The following SLC39A9 variants were observed in gnomAD, a reference collection of about 807,000 sequenced individuals.
SLC39A9 encodes zinc transporter ZIP9.
SLC39A9 carries 14 observed loss-of-function variants against 28.4 expected under a neutral mutation model. The ratio of observed to expected loss-of-function variants is 0.49; its 90% CI spans 0.33 to 0.77. The LOEUF (loss-of-function observed/expected upper bound fraction) is 0.77, where lower values mean the gene tolerates loss of function less well. Among genes scored for constraint, SLC39A9 ranks in the 30% least tolerant of loss-of-function variants. The pLI is 0.02. For missense variants in SLC39A9, 283 were observed against 381.1 expected, an observed-to-expected ratio of 0.74 and a Z score of 2.14; for synonymous variants, 119 against 149.6, an observed-to-expected ratio of 0.80 and a Z score of 1.49.
In SLC39A9 at chr14:69,459,369, C is replaced by G; in HGVS notation, c.*776C>G. 2.0e-6 allele frequency: 2 copies of G among 985,382 alleles called. No individual in the cohort carries two copies. Among genetic ancestry groups the G allele is most frequent in the Non-Finnish European group, 1.2e-6 (1 of 829,916 alleles). The allele number at this position is 985,382 out of a possible 1,614,324, so 61.0% of individuals were successfully genotyped here. A position where few individuals can be genotyped will look rare whatever the true frequency, so the allele number is the denominator to read the frequency against. ...CTCCTTTGCAGAATACCTGTCTCCA[C>G]ATTCCTAGAGAGGAGCCAAGTTCTA... On this transcript the variant is annotated 3_prime_UTR_variant, in exon 7 of 7. Transcript: ENST00000336643.
intron 2 of SLC39A9, among the ~76,000 whole-genome samples, chr14:69,435,968 C>A (rs1594933206): frequency 6.6e-6 from 1 of 152,126 alleles, no homozygotes. Context: ...CCACTGTGCC[C>A]AGCCATTTCC....
At chr14:69,411,639 C>G (rs765708517) in intron 1 of SLC39A9, among the ~76,000 whole-genome samples, 4 of 152,096 alleles carry the variant, frequency 2.6e-5, no homozygotes, top group Non-Finnish European at 5.9e-5. Context: ...AAGAACCTGT[C>G]AGCATTTTGT....
At chr14:69,410,126 T>G (rs12588788) in intron 1 of SLC39A9, among the ~76,000 whole-genome samples, 2 of 152,342 alleles carry the variant, frequency 1.3e-5, no homozygotes, top group East Asian at 3.9e-4. Context: ...TTCTTTTATG[T>G]TTAGAAAGGA....
chr14:69,452,455 A>G (rs538802451), intron 3 of SLC39A9, among the ~76,000 whole-genome samples: 1 of 152,014 alleles, frequency 6.6e-6, no homozygotes, highest in African/African-American at 2.4e-5. Context: ...TCAGCTCCCA[A>G]GTAGCCGAGA....
chr14:69,417,613 T>C (rs1162072935), intron 1 of SLC39A9, among the ~76,000 whole-genome samples: 1 of 152,236 alleles, frequency 6.6e-6, no homozygotes, highest in Non-Finnish European at 1.5e-5. Flanking sequence ...GAGCATGGGA[T>C]GTTCTTCCAT....
Position 69,455,775 on chromosome 14 carries a change from G to T in SLC39A9, c.602G>T (p.Gly201Val), listed in dbSNP as rs756805132. The change falls in exon 6 of 7, where the codon GGC becomes GTC. Residue 201 changes from glycine to valine, a missense_variant. Gly to Val is a moderately radical substitution (Grantham distance 109). Coordinates refer to ENST00000336643, the MANE Select transcript of SLC39A9 (RefSeq NM_018375.5). ...FGLVSFLMHA[G>V]LERNRIRKHL... The stretch of plus-strand genomic sequence containing the variant: ...CTGGTTTCCTTCTTGATGCATGCTG[G>T]CTTAGAGCGGAATCGAATCAGAAAG... 1 of 1,614,198 alleles carries T rather than the reference G, an allele frequency of 6.2e-7. No individual in the cohort carries two copies. The highest frequency in any genetic ancestry group is 8.5e-7 in the Non-Finnish European group (1 of 1,180,042).
At chr14:69,400,129 C>A (rs1302629627) in intron 1 of SLC39A9, among the ~76,000 whole-genome samples, 1 of 152,128 alleles carries the variant, frequency 6.6e-6, no homozygotes, top group Non-Finnish European at 1.5e-5. Flanking sequence ...ATGATAACTT[C>A]CTTTTGAGAA....
At chr14:69,420,122 G>A (rs1033019744) in intron 1 of SLC39A9, among the ~76,000 whole-genome samples, 1 of 152,170 alleles carries the variant, frequency 6.6e-6, no homozygotes, top group African/African-American at 2.4e-5. Context: ...TTATGTTTTT[G>A]CAGTGGCTGG....
At chr14:69,441,981 A>C in intron 2 of SLC39A9, 88 bp from the exon 3 acceptor site, 2 of 1,507,802 alleles carry the variant, frequency 1.3e-6, no homozygotes, top group East Asian at 2.4e-5. Context: ...AAGTAAGTAG[A>C]GCTTGAAATA....
intron 1 of SLC39A9, among the ~76,000 whole-genome samples, chr14:69,404,407 A>G (rs554120610): frequency 6.6e-6 from 1 of 152,352 alleles, no homozygotes; most frequent in South Asian, 2.1e-4. Flanking sequence ...CTTCTGTTAA[A>G]TGACCTTCTA....
chr14:69,445,448 G>A (rs1194119696), intron 3 of SLC39A9, among the ~76,000 whole-genome samples: 2 of 151,844 alleles, frequency 1.3e-5, no homozygotes, highest in Non-Finnish European at 2.9e-5. Flanking sequence ...TTACTTTTTT[G>A]TAAAAATACA....
At position 69,461,415 on chromosome 14, in the gene SLC39A9, A is replaced by T. The variant is rs933333621; in HGVS notation, c.*2822A>T. Reference sequence around the variant, plus strand: ...GTTTTCCTGTGCACACTATTGCCAAATTTTTTTTTAGCAAAGATTCTGCAC... The same window carrying T: ...GTTTTCCTGTGCACACTATTGCCAATTTTTTTTTTAGCAAAGATTCTGCAC... On this transcript the variant is annotated 3_prime_UTR_variant, in exon 7 of 7. Transcript: ENST00000336643. 1.2e-5 allele frequency: 15 copies of T among 1,243,906 alleles called. No homozygotes were observed. The highest frequency in any genetic ancestry group is 3.4e-5 in the East Asian group (1 of 29,116). 77.1% of individuals were successfully genotyped at this position (1,243,906 alleles called of 1,614,324 possible).
intron 3 of SLC39A9, among the ~76,000 whole-genome samples, chr14:69,445,136 A>T: frequency 6.6e-6 from 1 of 152,160 alleles, no homozygotes; most frequent in Non-Finnish European, 1.5e-5. Context: ...AAAAACATAC[A>T]GTTGACCTTT....
intron 2 of SLC39A9, among the ~76,000 whole-genome samples, chr14:69,430,637 T>C (rs1202371288): frequency 4.6e-5 from 7 of 150,734 alleles, no homozygotes; most frequent in Non-Finnish European, 1.0e-4. Flanking sequence ...TCTTTTTTTT[T>C]TTTTTTCTTG....
At chr14:69,410,005 T>C (rs1248303677) in intron 1 of SLC39A9, among the ~76,000 whole-genome samples, 1 of 152,244 alleles carries the variant, frequency 6.6e-6, no homozygotes, top group African/African-American at 2.4e-5. Flanking sequence ...TGAACTCTTA[T>C]GTATCAATGA....
chr14:69,424,542 A>C (rs540534960), intron 2 of SLC39A9, among the ~76,000 whole-genome samples: 2 of 152,182 alleles, frequency 1.3e-5, no homozygotes, highest in South Asian at 4.1e-4. Context: ...AAATATATAG[A>C]TATAAATATT....
At chr14:69,433,835 G>A (rs1884612649) in intron 2 of SLC39A9, among the ~76,000 whole-genome samples, 1 of 151,816 alleles carries the variant, frequency 6.6e-6, no homozygotes, top group Admixed American at 6.6e-5. Context: ...GCCCAGGCTG[G>A]GTACAGTGGC....
At chr14:69,417,942 A>G (rs546504801) in intron 1 of SLC39A9, among the ~76,000 whole-genome samples, 1 of 152,244 alleles carries the variant, frequency 6.6e-6, no homozygotes, top group African/African-American at 2.4e-5. Context: ...CTCTTTTCCT[A>G]ATTGAATACC....
chr14:69,398,402 T>G (rs2140237191), upstream of SLC39A9: 1 of 848,630 alleles, frequency 1.2e-6, no homozygotes, highest in South Asian at 1.6e-5. Flanking sequence ...TTCCGGCAGC[T>G]AGAGCAGCTA....
Sources: allele counts gnomAD v4.1 joint callset (sites outside exome capture counted in the v4.1 genomes callset), GRCh38; gene constraint gnomAD v4.1.1; transcripts MANE v1.5; gene names NCBI Gene and HGNC (gene_info 2026-07-23, HGNC 2026-07-21).